The following NELL1 variants were observed in gnomAD, a reference collection of about 807,000 sequenced individuals.
NELL1 encodes the protein protein kinase C-binding protein NELL1.
Under a neutral mutation model 107.4 loss-of-function variants are expected in NELL1, and 76 were observed. That is an observed-to-expected ratio of 0.71 (90% CI 0.59 to 0.86). The LOEUF (loss-of-function observed/expected upper bound fraction) is 0.86, where lower values mean the gene tolerates loss of function less well. Among genes scored for constraint, NELL1 ranks in the 40% least tolerant of loss-of-function variants. The pLI is 0.00. For missense variants in NELL1, 1,024 were observed against 1,005.5 expected (o/e 1.02, Z -0.25); for synonymous variants, 353 against 341.2 (o/e 1.03, Z -0.38).
chr11:21,255,825 T>A (rs1285403471), intron 14 of NELL1, among the ~76,000 whole-genome samples: 1 of 152,064 alleles, frequency 6.6e-6, no homozygotes, highest in Non-Finnish European at 1.5e-5. Context: ...CCACTTCTAA[T>A]GGGGAACACC....
intron 15 of NELL1, among the ~76,000 whole-genome samples, chr11:21,482,962 A>G (rs906073979): frequency 1.1e-4 from 16 of 152,022 alleles, no homozygotes; most frequent in African/African-American, 3.9e-4. Flanking sequence ...GGTTTACTCT[A>G]CTATTATTAC....
At chr11:21,231,894 A>G (rs142166150) in intron 14 of NELL1, among the ~76,000 whole-genome samples, 1 of 152,256 alleles carries the variant, frequency 6.6e-6, no homozygotes, top group Non-Finnish European at 1.5e-5. Flanking sequence ...GCAATGTGGT[A>G]TAGTTGAACA....
intron 14 of NELL1, among the ~76,000 whole-genome samples, chr11:21,290,006 A>G (rs556734593): frequency 6.6e-6 from 1 of 152,288 alleles, no homozygotes; most frequent in Admixed American, 6.5e-5. Flanking sequence ...GGGTTTATAG[A>G]TAAAATTCCC....
intron 15 of NELL1, among the ~76,000 whole-genome samples, chr11:21,456,704 T>C (rs1392131952): frequency 6.6e-6 from 1 of 152,130 alleles, no homozygotes; most frequent in Non-Finnish European, 1.5e-5. Flanking sequence ...GCCAGCCTAC[T>C]ATACAGATTA....
At chr11:21,468,990 GT>G (rs11307555) in intron 15 of NELL1, among the ~76,000 whole-genome samples, 52,171 of 151,486 alleles carry the variant, frequency 0.34, 10,002 homozygotes, top group East Asian at 0.43. Context: ...AATTCTGGGT[GT>G]TTTTTTTGTT....
chr11:21,370,311 G>A (rs549924103), intron 14 of NELL1, among the ~76,000 whole-genome samples: 18 of 151,980 alleles, frequency 1.2e-4, no homozygotes, highest in African/African-American at 3.6e-4. Context: ...ATTAAGACAA[G>A]GCATTGTTTT....
rs144122679 is a variant in NELL1 at position 21,279,542 on chromosome 11, C to T, written c.1549+50088C>T. On this transcript the variant is annotated intron_variant, in intron 14 of 19. Transcript: ENST00000357134. Reference sequence around the variant, plus strand: ...GTTATTAAGGAACTACAAACTAAAACAACAGTGACATACACTACACACCTA... The same window carrying T: ...GTTATTAAGGAACTACAAACTAAAATAACAGTGACATACACTACACACCTA... 4.4e-3 allele frequency among the ~76,000 whole-genome samples: 663 copies of T among 152,224 alleles called. 7 individuals carry two copies. The highest frequency in any genetic ancestry group is 0.015 in the African/African-American group (629 of 41,532).
intron 12 of NELL1, among the ~76,000 whole-genome samples, chr11:21,085,052 A>G (rs987397298): frequency 6.6e-6 from 1 of 152,200 alleles, no homozygotes; most frequent in Non-Finnish European, 1.5e-5. Flanking sequence ...AATTCATACA[A>G]TATATTTATA....
At chr11:21,019,919 C>T (rs898162353) in intron 12 of NELL1, among the ~76,000 whole-genome samples, 12 of 152,156 alleles carry the variant, frequency 7.9e-5, no homozygotes, top group Middle Eastern at 6.8e-3. Flanking sequence ...TTAGATTCTT[C>T]TCTGTTCAGT....
intron 2 of NELL1, among the ~76,000 whole-genome samples, chr11:20,717,948 A>C (rs1855291643): frequency 6.6e-6 from 1 of 152,180 alleles, no homozygotes; most frequent in Non-Finnish European, 1.5e-5. Flanking sequence ...CTTATTGTGG[A>C]CCAAAACCCC....
intron 2 of NELL1, among the ~76,000 whole-genome samples, chr11:20,683,472 C>A (rs1232471020): frequency 6.6e-6 from 1 of 151,992 alleles, no homozygotes; most frequent in African/African-American, 2.4e-5. Context: ...CTCCCACTCT[C>A]CCGCTGGAAG....
At chr11:21,163,405 G>T (rs1856415170) in intron 13 of NELL1, among the ~76,000 whole-genome samples, 1 of 152,182 alleles carries the variant, frequency 6.6e-6, no homozygotes, top group South Asian at 2.1e-4. Flanking sequence ...GAAGGATGAT[G>T]ATAGTCAGAA....
chr11:21,100,855 A>G (rs992113360), intron 12 of NELL1, among the ~76,000 whole-genome samples: 2 of 151,956 alleles, frequency 1.3e-5, no homozygotes, highest in African/African-American at 4.8e-5. Flanking sequence ...TTTTTTAATT[A>G]TACTTTAAGT....
rs140256359 is a variant in NELL1, at chr11:21,432,832, T to C, written c.1645+61884T>C. Among the ~76,000 whole-genome samples, 1,299 of 152,348 alleles carry C rather than the reference T, an allele frequency of 8.5e-3. 18 individuals are homozygous for C. The highest frequency in any genetic ancestry group is 0.028 in the African/African-American group (1,172 of 41,582). ...CAAATCAGGGTAATTAGCATATCCA[T>C]GATTTCAAACATTAATCATTTGTGT... On this transcript the variant is annotated intron_variant, in intron 15 of 19. Coordinates refer to ENST00000357134, the MANE Select transcript of NELL1 (RefSeq NM_006157.5).
intron 12 of NELL1, among the ~76,000 whole-genome samples, chr11:20,998,259 A>G (rs989642156): frequency 6.6e-6 from 1 of 152,198 alleles, no homozygotes. Context: ...GTAAATAGCC[A>G]TGCAGATATT....
At chr11:21,410,508 T>C (rs1471263953) in intron 15 of NELL1, among the ~76,000 whole-genome samples, 1 of 152,060 alleles carries the variant, frequency 6.6e-6, no homozygotes, top group Admixed American at 6.6e-5. Context: ...CATTTCCTTT[T>C]CTGGGCTCCT....
Position 20,767,421 on chromosome 11 carries a change from C to T in NELL1, c.185-16259C>T, listed in dbSNP as rs543171681. ...TACAGAGTGCTGATGGTTGTGTTTA[C>T]AATCCTTTAGCTAGACACGGAGCAC... On this transcript the variant is annotated intron_variant, in intron 2 of 19. Coordinates refer to ENST00000357134, the MANE Select transcript of NELL1 (RefSeq NM_006157.5). 7.9e-5 allele frequency among the ~76,000 whole-genome samples: 12 copies of T among 152,252 alleles called. No individual in the cohort carries two copies. The East Asian group carries it at 2.3e-3, about 29-fold the overall frequency.
At chr11:20,938,484 A>G (rs775783213) in intron 10 of NELL1, among the ~76,000 whole-genome samples, 2 of 152,126 alleles carry the variant, frequency 1.3e-5, no homozygotes, top group Non-Finnish European at 2.9e-5. Context: ...TATAATGCCA[A>G]ATTCTATAAA....
chr11:21,315,224 C>T (rs531544637), intron 14 of NELL1, among the ~76,000 whole-genome samples: 1 of 152,268 alleles, frequency 6.6e-6, no homozygotes, highest in East Asian at 1.9e-4. Context: ...CAAACATAAA[C>T]AGGTGGAAAA....
Sources: allele counts gnomAD v4.1 joint callset (sites outside exome capture counted in the v4.1 genomes callset), GRCh38; gene constraint gnomAD v4.1.1; transcripts MANE v1.5; gene names NCBI Gene and HGNC (gene_info 2026-07-23, HGNC 2026-07-21).